SPRYD7: variants seen among roughly 807,000 people sequenced by gnomAD.
The protein encoded by SPRYD7 is SPRY domain-containing protein 7.
Under a neutral mutation model 23.8 loss-of-function variants are expected in SPRYD7, and 14 were observed. The ratio of observed to expected loss-of-function variants is 0.59; its 90% CI spans 0.39 to 0.92. The LOEUF is 0.92. SPRYD7 is among the 40% of genes least tolerant of loss of function. The pLI is 0.00. For missense variants in SPRYD7, 194 were observed against 241.7 expected (o/e 0.80, Z 1.31); for synonymous variants, 75 against 84.9 (o/e 0.88, Z 0.64).
intron 1 of SPRYD7, among the ~76,000 whole-genome samples, chr13:49,932,158 A>G (rs915488303): frequency 2.6e-5 from 4 of 152,236 alleles, no homozygotes; most frequent in Admixed American, 2.6e-4. Flanking sequence ...ACAATTTACT[A>G]AAAGCCACCT....
chr13:49,919,108 TTTACTTA>T (rs1349703268), intron 4 of SPRYD7, among the ~76,000 whole-genome samples: 1 of 152,080 alleles, frequency 6.6e-6, no homozygotes, highest in Non-Finnish European at 1.5e-5. Flanking sequence ...CATATACCTG[TTTACTTA>T]AAGTTGATAA....
intron 4 of SPRYD7, among the ~76,000 whole-genome samples, chr13:49,916,476 A>C (rs2138209882): frequency 6.6e-6 from 1 of 152,246 alleles, no homozygotes; most frequent in African/African-American, 2.4e-5. Context: ...AGAACAAACG[A>C]ACAATAACAA....
chr13:49,935,420 G>C (rs1566409792), intron 1 of SPRYD7, among the ~76,000 whole-genome samples: 1 of 152,232 alleles, frequency 6.6e-6, no homozygotes, highest in Non-Finnish European at 1.5e-5. Context: ...GCTATGATGG[G>C]AGAGGAAGAA....
chr13:49,931,096 A>T lies in SPRYD7; in HGVS notation c.145T>A (p.Cys49Ser). The change falls in exon 2 of 5, where the codon TGT (cysteine) becomes AGT (serine). Residue 49 changes from cysteine (C) to serine (S), a missense_variant. Cys to Ser is a moderately radical substitution (Grantham distance 112). Transcript: ENST00000361840. ...VVIVKNGRRICGTGGCLASAP... is the reference protein window; with the variant it reads ...VVIVKNGRRISGTGGCLASAP... ...CTGGCTAAACAACCTCCTGTTCCAC[A>T]TATTCTTCTTCCATTCTTTACAATA... The T allele has an allele frequency of 6.2e-7, 1 of 1,613,378 alleles. No homozygotes were observed. The highest frequency in any genetic ancestry group is 8.5e-7 in the Non-Finnish European group (1 of 1,179,544).
intron 1 of SPRYD7, among the ~76,000 whole-genome samples, chr13:49,931,499 C>T (rs996196718): frequency 2.6e-5 from 4 of 152,016 alleles, no homozygotes; most frequent in Non-Finnish European, 4.4e-5. Context: ...ATTTTCAATC[C>T]AACAATCAGG....
At chr13:49,923,102 T>A (rs538283412) in intron 3 of SPRYD7, among the ~76,000 whole-genome samples, 6 of 152,362 alleles carry the variant, frequency 3.9e-5, no homozygotes, top group Admixed American at 1.3e-4. Flanking sequence ...GTTTTCATTT[T>A]AAAAAACAAA....
intron 1 of SPRYD7, 65 bp downstream of exon 1, chr13:49,936,065 G>A: frequency 8.7e-7 from 1 of 1,147,256 alleles, no homozygotes; most frequent in Non-Finnish European, 1.2e-6. Flanking sequence ...TGACCCTGAA[G>A]GTCCCCCTGC....
intron 4 of SPRYD7, among the ~76,000 whole-genome samples, chr13:49,916,864 A>G (rs753826831): frequency 1.3e-5 from 2 of 152,206 alleles, no homozygotes; most frequent in Non-Finnish European, 2.9e-5. Context: ...TGTTTGCAAC[A>G]TGCAGAGTAC....
At chr13:49,933,300 A>G (rs1262482957) in intron 1 of SPRYD7, among the ~76,000 whole-genome samples, 1 of 152,126 alleles carries the variant, frequency 6.6e-6, no homozygotes, top group African/African-American at 2.4e-5. Context: ...TGCAGAGCAC[A>G]ATGGGATATA....
chr13:49,931,927 G>A (rs915245603), intron 1 of SPRYD7, among the ~76,000 whole-genome samples: 10 of 152,202 alleles, frequency 6.6e-5, no homozygotes, highest in African/African-American at 2.2e-4. Flanking sequence ...TAGCCTGGGC[G>A]AGAGAAGTAA....
At chr13:49,922,338 T>C (rs1955830884) in intron 3 of SPRYD7, among the ~76,000 whole-genome samples, 1 of 149,636 alleles carries the variant, frequency 6.7e-6, no homozygotes, top group Non-Finnish European at 1.5e-5. Flanking sequence ...ATTATTTATA[T>C]AAATAAATAA....
At position 49,930,998 on chromosome 13, in the gene SPRYD7, TA is replaced by T; in HGVS notation, c.223+19del. 6.9e-7 allele frequency: 1 copy of T among 1,448,590 alleles called. No individual in the cohort carries two copies. The highest frequency in any genetic ancestry group is 9.6e-7 in the Non-Finnish European group (1 of 1,043,222). The allele number at this position is 1,448,590 out of a possible 1,614,324, so 89.7% of individuals were successfully genotyped here. On this transcript the variant is annotated intron_variant, in intron 2 of 4. Coordinates refer to ENST00000361840, the MANE Select transcript of SPRYD7 (RefSeq NM_020456.4). The stretch of plus-strand genomic sequence containing the variant: ...TTAGAACAATTAGGACTTTTAATAG[TA>T]AAGTACCATTATACCAACCTGTGGA...
At chr13:49,929,373 C>G (rs1233523015) in intron 2 of SPRYD7, among the ~76,000 whole-genome samples, 1 of 152,216 alleles carries the variant, frequency 6.6e-6, no homozygotes, top group Non-Finnish European at 1.5e-5. Context: ...TTATATCATT[C>G]AAGGCTGGCC....
rs781173160 is a variant in SPRYD7 at position 49,913,698 on chromosome 13, G to C, written c.*1365C>G. The C allele has an allele frequency of 4.0e-5, 6 of 151,522 alleles. No homozygotes were observed. Among genetic ancestry groups the C allele is most frequent in the Admixed American group, 1.3e-4 (2 of 15,224 alleles). 9.4% of individuals were successfully genotyped at this position (151,522 alleles called of 1,614,324 possible). ...CCACCACACCTGGCTAATTTTTTTT[G>C]TATTTTTTTAGTAGAGCCAGGGTTT... is the stretch of plus-strand genomic sequence containing the variant. On this transcript the variant is annotated 3_prime_UTR_variant, in exon 5 of 5. Transcript: ENST00000361840.
intron 1 of SPRYD7, among the ~76,000 whole-genome samples, chr13:49,933,132 C>T (rs1566408634): frequency 6.6e-6 from 1 of 152,162 alleles, no homozygotes; most frequent in Non-Finnish European, 1.5e-5. Context: ...CTCTGGAGAT[C>T]AAAACAGTTC....
chr13:49,936,112 G>T lies in SPRYD7; in HGVS notation c.106+18C>A. The T allele has an allele frequency of 1.3e-6, 2 of 1,565,682 alleles. No homozygotes were observed. The highest frequency in any genetic ancestry group is 1.4e-5 in the African/African-American group (1 of 72,540). On this transcript the variant is annotated intron_variant, in intron 1 of 4. Coordinates refer to ENST00000361840, the MANE Select transcript of SPRYD7 (RefSeq NM_020456.4). Reference sequence around the variant, plus strand: ...GGCCCCCGTGAGCCGTTGGGTCTGGGGAAGGGAGGGCCCTTACCCATGTGC... The same window carrying T: ...GGCCCCCGTGAGCCGTTGGGTCTGGTGAAGGGAGGGCCCTTACCCATGTGC...
At chr13:49,921,070 C>G (rs1208216319) in intron 4 of SPRYD7, among the ~76,000 whole-genome samples, 2 of 152,010 alleles carry the variant, frequency 1.3e-5, no homozygotes, top group African/African-American at 4.8e-5. Flanking sequence ...TGGCTGTGTC[C>G]CCACCCAAAT....
intron 4 of SPRYD7, among the ~76,000 whole-genome samples, chr13:49,917,428 C>A (rs1360300342): frequency 6.6e-6 from 1 of 152,184 alleles, no homozygotes; most frequent in African/African-American, 2.4e-5. Context: ...TGTAACCACA[C>A]TTCTTCAGTG....
rs865972967 is a variant in SPRYD7, at chr13:49,923,605, G to C, written c.391-2025C>G. 8.5e-5 allele frequency among the ~76,000 whole-genome samples: 13 copies of C among 152,248 alleles called. 1 individual carries two copies. The Middle Eastern group carries it at 0.034, about 398-fold the overall frequency. Reference sequence around the variant, plus strand: ...CAAAATCCCAGTACCAAAGAAGTGAGGAAAGATGTGAGAAGTCCCACCCTC... The same window carrying C: ...CAAAATCCCAGTACCAAAGAAGTGACGAAAGATGTGAGAAGTCCCACCCTC... On this transcript the variant is annotated intron_variant, in intron 3 of 4. Transcript: ENST00000361840.
Sources: allele counts gnomAD v4.1 joint callset (sites outside exome capture counted in the v4.1 genomes callset), GRCh38; gene constraint gnomAD v4.1.1; transcripts MANE v1.5; gene names NCBI Gene and HGNC (gene_info 2026-07-23, HGNC 2026-07-21).